The following MACROD2 variants were observed in gnomAD, a reference collection of about 807,000 sequenced individuals.
MACROD2 encodes ADP-ribose glycohydrolase MACROD2.
In MACROD2, 36 loss-of-function variants were observed where a neutral mutation model predicts 70.4. The ratio of observed to expected loss-of-function variants is 0.51; its 90% CI spans 0.39 to 0.68. The LOEUF (loss-of-function observed/expected upper bound fraction) is 0.68. Among genes scored for constraint, MACROD2 ranks in the 30% least tolerant of loss-of-function variants. MACROD2 has a pLI of 0.00. For synonymous variants in MACROD2, 172 were observed against 178.8 expected (o/e 0.96, Z 0.30); for missense variants, 496 against 538.4 (o/e 0.92, Z 0.78).
At chr20:14,850,363 A>G (rs1482514565) in intron 5 of MACROD2, 1 of 156,708 alleles carries the variant, frequency 6.4e-6, no homozygotes, top group African/African-American at 2.4e-5. Flanking sequence ...TTGAGGTGGC[A>G]CAGGCCTAAT....
chr20:14,822,438 C>T (rs2072856884), intron 5 of MACROD2, among the ~76,000 whole-genome samples: 1 of 152,060 alleles, frequency 6.6e-6, no homozygotes, highest in Non-Finnish European at 1.5e-5. Flanking sequence ...TCTCATTTTT[C>T]TAGCTACAGT....
chr20:14,221,211 A>T (rs1441049973), intron 3 of MACROD2, among the ~76,000 whole-genome samples: 1 of 152,138 alleles, frequency 6.6e-6, no homozygotes, highest in Non-Finnish European at 1.5e-5. Flanking sequence ...TTATAAATTT[A>T]CTTATCTTGG....
At chr20:15,283,391 G>A (rs1208804720) in intron 6 of MACROD2, among the ~76,000 whole-genome samples, 1 of 152,184 alleles carries the variant, frequency 6.6e-6, no homozygotes, top group Non-Finnish European at 1.5e-5. Flanking sequence ...TACATATCAA[G>A]GCCAGGCACA....
intron 8 of MACROD2, among the ~76,000 whole-genome samples, chr20:15,656,772 T>C (rs2146807214): frequency 6.6e-6 from 1 of 152,222 alleles, no homozygotes; most frequent in Non-Finnish European, 1.5e-5. Context: ...TAACTTATTT[T>C]CACAAGGAAT....
At chr20:14,087,824 G>A (rs1350620740) in intron 3 of MACROD2, among the ~76,000 whole-genome samples, 1 of 151,896 alleles carries the variant, frequency 6.6e-6, no homozygotes, top group African/African-American at 2.4e-5. Context: ...ATAAATATAT[G>A]AGCTTTAATT....
intron 5 of MACROD2, among the ~76,000 whole-genome samples, chr20:14,866,581 G>A (rs1198632780): frequency 6.6e-6 from 1 of 152,074 alleles, no homozygotes; most frequent in East Asian, 1.9e-4. Context: ...GTTGGCCTGA[G>A]CATAAAATTG....
Position 15,860,698 on chromosome 20 carries a change from C to T in MACROD2, c.646-2047C>T, listed in dbSNP as rs182559882. Among the ~76,000 whole-genome samples the T allele has an allele frequency of 2.0e-5, 3 of 152,298 alleles. No homozygotes were observed. In the East Asian group the frequency reaches 5.8e-4, roughly 29 times the overall value. On this transcript the variant is annotated intron_variant, in intron 8 of 17. Transcript: ENST00000684519. ...GCCATGTTTTTCTCAAATCCCCTTT[C>T]TTTCTAAAGGAATAAAGTATTAGGT... is the stretch of plus-strand genomic sequence containing the variant.
chr20:15,521,329 C>T (rs899221005), intron 8 of MACROD2, among the ~76,000 whole-genome samples: 19 of 152,108 alleles, frequency 1.2e-4, no homozygotes, highest in Non-Finnish European at 2.2e-4. Context: ...AGGAACTGGT[C>T]GACTCTGGTT....
chr20:15,336,790 A>G (rs996127766), intron 6 of MACROD2, among the ~76,000 whole-genome samples: 1 of 151,498 alleles, frequency 6.6e-6, no homozygotes, highest in Non-Finnish European at 1.5e-5. Context: ...TAACCGTAAC[A>G]CTGTTGCTTT....
At chr20:14,253,090 G>T (rs915089943) in intron 3 of MACROD2, among the ~76,000 whole-genome samples, 3 of 151,934 alleles carry the variant, frequency 2.0e-5, no homozygotes, top group Non-Finnish European at 4.4e-5. Context: ...GGTACATTTC[G>T]AAGGGTACAT....
intron 8 of MACROD2, among the ~76,000 whole-genome samples, chr20:15,517,144 G>A (rs2047579467): frequency 6.6e-6 from 1 of 152,108 alleles, no homozygotes; most frequent in Admixed American, 6.5e-5. Context: ...AGAGGTCCAT[G>A]TTACTAAAAA....
chr20:15,508,364 T>C, intron 8 of MACROD2, among the ~76,000 whole-genome samples: 1 of 152,022 alleles, frequency 6.6e-6, no homozygotes, highest in East Asian at 1.9e-4. Context: ...TATATACTGC[T>C]AATAGGTCTA....
At chr20:14,424,852 G>A (rs1285614507) in intron 3 of MACROD2, among the ~76,000 whole-genome samples, 1 of 152,172 alleles carries the variant, frequency 6.6e-6, no homozygotes, top group Non-Finnish European at 1.5e-5. Flanking sequence ...ATAAATTGGG[G>A]ATGATTTCTC....
intron 5 of MACROD2, among the ~76,000 whole-genome samples, chr20:14,728,936 C>A (rs1327185975): frequency 2.0e-5 from 3 of 152,040 alleles, no homozygotes; most frequent in Non-Finnish European, 2.9e-5. Context: ...AGAGTAAATT[C>A]TAAAAAGCTG....
intron 8 of MACROD2, among the ~76,000 whole-genome samples, chr20:15,644,438 C>T (rs2146781677): frequency 6.6e-6 from 1 of 152,294 alleles, no homozygotes; most frequent in South Asian, 2.1e-4. Context: ...TCTGCATTCA[C>T]CCTTCCCCTC....
chr20:15,682,071 G>T (rs1244623921), intron 8 of MACROD2, among the ~76,000 whole-genome samples: 3 of 152,114 alleles, frequency 2.0e-5, no homozygotes, highest in Non-Finnish European at 4.4e-5. Flanking sequence ...TCAATCCTGT[G>T]AGAATATGTA....
chr20:14,853,023 G>A (rs2073215233), intron 5 of MACROD2, among the ~76,000 whole-genome samples: 1 of 151,956 alleles, frequency 6.6e-6, no homozygotes, highest in African/African-American at 2.4e-5. Flanking sequence ...AATGGGTGAA[G>A]GGCCTGGTCA....
chr20:14,477,334 A>G (rs1385516741), intron 3 of MACROD2, among the ~76,000 whole-genome samples: 1 of 152,214 alleles, frequency 6.6e-6, no homozygotes, highest in Non-Finnish European at 1.5e-5. Flanking sequence ...TCTCTAAGAA[A>G]ATCAGTCATC....
intron 5 of MACROD2, among the ~76,000 whole-genome samples, chr20:15,057,743 C>T (rs892769712): frequency 1.1e-4 from 17 of 152,152 alleles, no homozygotes; most frequent in Admixed American, 4.6e-4. Flanking sequence ...CTGCCATTCC[C>T]GATCCATTAT....
Sources: allele counts gnomAD v4.1 joint callset (sites outside exome capture counted in the v4.1 genomes callset), GRCh38; gene constraint gnomAD v4.1.1; transcripts MANE v1.5; gene names NCBI Gene and HGNC (gene_info 2026-07-23, HGNC 2026-07-21).